BMPER: variants seen among roughly 807,000 people sequenced by gnomAD.
BMPER encodes the protein BMP binding endothelial regulator.
BMPER carries 45 observed loss-of-function variants against 87.3 expected under a neutral mutation model. That is an observed-to-expected ratio of 0.52 (90% CI 0.41 to 0.66). The LOEUF (loss-of-function observed/expected upper bound fraction) is 0.66. Ranked by LOEUF, BMPER falls within the 30% of genes least tolerant of loss-of-function variation. The pLI is 0.00. For missense variants in BMPER, 784 were observed against 867.5 expected, an observed-to-expected ratio of 0.90 and a Z score of 1.21; for synonymous variants, 326 against 316.2, an observed-to-expected ratio of 1.03 and a Z score of -0.33.
At chr7:34,073,452 C>T (rs1455222405) in intron 11 of BMPER, among the ~76,000 whole-genome samples, 1 of 152,102 alleles carries the variant, frequency 6.6e-6, no homozygotes, top group Non-Finnish European at 1.5e-5. Context: ...AGAAAAGCTA[C>T]AGTAAAAATA....
intron 13 of BMPER, among the ~76,000 whole-genome samples, chr7:34,089,953 A>G (rs1361010554): frequency 6.6e-6 from 1 of 152,000 alleles, no homozygotes; most frequent in Admixed American, 6.6e-5. Flanking sequence ...TGTTTTGGGA[A>G]TTTTTTTTAA....
intron 13 of BMPER, among the ~76,000 whole-genome samples, chr7:34,134,729 G>T (rs1790678307): frequency 1.3e-5 from 2 of 152,140 alleles, no homozygotes; most frequent in Non-Finnish European, 2.9e-5. Flanking sequence ...TTAACTGTGG[G>T]CATGAAGATT....
At chr7:33,923,909 C>T (rs577603341) in intron 2 of BMPER, among the ~76,000 whole-genome samples, 2 of 152,304 alleles carry the variant, frequency 1.3e-5, no homozygotes, top group African/African-American at 2.4e-5. Context: ...TATTCATACC[C>T]TGAGCAATTT....
intron 4 of BMPER, 75 bp downstream of exon 4, chr7:33,966,636 T>C: frequency 6.9e-7 from 1 of 1,442,274 alleles, no homozygotes; most frequent in South Asian, 1.2e-5. Flanking sequence ...TCACACAACA[T>C]AGAACAAAAC....
chr7:33,921,866 G>A (rs147303478), intron 2 of BMPER: 5,961 of 470,604 alleles, frequency 0.013, 59 homozygotes, highest in Non-Finnish European at 0.019. Flanking sequence ...GGAACCAGAC[G>A]CAAACAACGC....
In BMPER at chr7:33,906,920, G is replaced by C. The variant is rs372926673; in HGVS notation, c.219+17G>C. 5.7e-6 allele frequency: 9 copies of C among 1,591,886 alleles called. No individual in the cohort carries two copies. The African/African-American group carries it at 1.1e-4, about 19-fold the overall frequency. ...GTCTGCTTGGTAAGTGTGGAGATCA[G>C]GTAATATGAACTCAACTGCTCTCTC... On this transcript the variant is annotated intron_variant, in intron 2 of 14. Transcript: ENST00000649409.
At chr7:33,950,976 G>A (rs1472870654) in intron 3 of BMPER, among the ~76,000 whole-genome samples, 1 of 151,662 alleles carries the variant, frequency 6.6e-6, no homozygotes, top group Admixed American at 6.6e-5. Context: ...TGGTTAGGTG[G>A]CCACCAAGCC....
intron 12 of BMPER, among the ~76,000 whole-genome samples, chr7:34,084,522 A>G (rs1789146925): frequency 6.6e-6 from 1 of 152,322 alleles, no homozygotes; most frequent in East Asian, 1.9e-4. Flanking sequence ...TTCACTGGGG[A>G]GACTCAGGCA....
chr7:34,090,379 A>G (rs747818726), intron 13 of BMPER, among the ~76,000 whole-genome samples: 6 of 152,126 alleles, frequency 3.9e-5, no homozygotes, highest in Non-Finnish European at 7.3e-5. Context: ...TTTTCATCTC[A>G]TATTCATCTC....
intron 14 of BMPER, among the ~76,000 whole-genome samples, chr7:34,145,579 C>G (rs1169632115): frequency 6.6e-6 from 1 of 152,144 alleles, no homozygotes; most frequent in African/African-American, 2.4e-5. Flanking sequence ...TTCCAGCCAT[C>G]TTGAATACTC....
In BMPER at chr7:34,040,525, AT is replaced by A. The variant is rs1194443982; in HGVS notation, c.577-5769del. Among the ~76,000 whole-genome samples the A allele has an allele frequency of 1.9e-3, 284 of 147,942 alleles. 2 individuals are homozygous for A. The highest frequency in any genetic ancestry group is 6.0e-3 in the African/African-American group (242 of 40,654). On this transcript the variant is annotated intron_variant, in intron 6 of 14. Coordinates refer to ENST00000649409, the MANE Select transcript of BMPER (RefSeq NM_001365308.1). ...AATCTTGGACATGAAGCTGTCAATAATTTTTTTTTTTTACAAGAGTCCTGTG... is the reference window on the plus strand; with the variant it reads ...AATCTTGGACATGAAGCTGTCAATAATTTTTTTTTTTACAAGAGTCCTGTG...
At chr7:34,086,796 G>A (rs1294590838) in intron 13 of BMPER, among the ~76,000 whole-genome samples, 2 of 152,142 alleles carry the variant, frequency 1.3e-5, no homozygotes, top group East Asian at 1.9e-4. Flanking sequence ...GCACTGCAAG[G>A]TTGTGTTTCT....
chr7:34,023,077 GA>G (rs933306001), intron 6 of BMPER, among the ~76,000 whole-genome samples: 1 of 152,072 alleles, frequency 6.6e-6, no homozygotes, highest in Non-Finnish European at 1.5e-5. Flanking sequence ...ATCTTCTCAT[GA>G]AAGTGGCATC....
intron 6 of BMPER, among the ~76,000 whole-genome samples, chr7:34,020,858 TA>T (rs1276467846): frequency 8.2e-6 from 1 of 122,538 alleles, no homozygotes; most frequent in Non-Finnish European, 1.8e-5. Context: ...ATGAATTTCT[TA>T]ACACACACAC....
chr7:34,028,372 A>C (rs1472066936), intron 6 of BMPER, among the ~76,000 whole-genome samples: 1 of 152,092 alleles, frequency 6.6e-6, no homozygotes, highest in East Asian at 1.9e-4. Context: ...TAAAAGGAAC[A>C]CTTAAAAATT....
At chr7:34,124,309 GTATTT>G (rs1172016326) in intron 13 of BMPER, among the ~76,000 whole-genome samples, 1 of 151,842 alleles carries the variant, frequency 6.6e-6, no homozygotes, top group African/African-American at 2.4e-5. Context: ...GTATTATGTT[GTATTT>G]TATTATATTA....
chr7:33,914,611 A>G (rs997756972), intron 2 of BMPER, among the ~76,000 whole-genome samples: 1 of 152,230 alleles, frequency 6.6e-6, no homozygotes, highest in East Asian at 1.9e-4. Context: ...AATCAGGACT[A>G]GAGGTTAGCA....
Position 33,991,018 on chromosome 7 carries a change from C to A in BMPER, c.576+16234C>A, listed in dbSNP as rs1383885267. On this transcript the variant is annotated intron_variant, in intron 6 of 14. Transcript: ENST00000649409. ...TGATGTGCTGCTGGATTCGGTTTGC[C>A]AGTATTTTATTGAGGATTTTTGCAT... is the stretch of plus-strand genomic sequence containing the variant. Among the ~76,000 whole-genome samples, 603 of 140,554 alleles carry A rather than the reference C, an allele frequency of 4.3e-3. 5 individuals are homozygous for A. Among genetic ancestry groups the A allele is most frequent in the African/African-American group, 0.015 (581 of 37,834 alleles). 92.2% of individuals were successfully genotyped at this position (140,554 alleles called of 152,430 possible). A position where few individuals can be genotyped will look rare whatever the true frequency, so the allele number is the denominator to read the frequency against.
chr7:34,047,843 CT>C (rs1788029403), intron 7 of BMPER, among the ~76,000 whole-genome samples: 5 of 148,386 alleles, frequency 3.4e-5, no homozygotes, highest in African/African-American at 1.2e-4. Context: ...TGCTTTCTTT[CT>C]CTTTCTATCA....
Sources: allele counts gnomAD v4.1 joint callset (sites outside exome capture counted in the v4.1 genomes callset), GRCh38; gene constraint gnomAD v4.1.1; transcripts MANE v1.5; gene names NCBI Gene and HGNC (gene_info 2026-07-23, HGNC 2026-07-21).